Variants in AATK observed in about 807,000 individuals in gnomAD.
The protein encoded by AATK is lemur tail kinase 1, also known as serine/threonine-protein kinase LMTK1.
Under a neutral mutation model 114.3 loss-of-function variants are expected in AATK, and 91 were observed. The observed-to-expected ratio is 0.80, with a 90% CI of 0.67 to 0.95. AATK has a LOEUF of 0.95. AATK is among the 40% of genes least tolerant of loss of function. AATK has a pLI of 0.00. For synonymous variants in AATK, 1,075 were observed against 916.5 expected, an observed-to-expected ratio of 1.17 and a Z score of -3.12; for missense variants, 2,176 against 1,965.2, an observed-to-expected ratio of 1.11 and a Z score of -2.03.
At chr17:81,137,729 C>T (rs372054087) in intron 1 of AATK, among the ~76,000 whole-genome samples, 92 of 151,540 alleles carry the variant, frequency 6.1e-4, no homozygotes, top group Non-Finnish European at 1.1e-3. Flanking sequence ...CATGACAACG[C>T]GAAACATACA....
At chr17:81,143,872 T>C (rs1228148344) in intron 1 of AATK, among the ~76,000 whole-genome samples, 1 of 152,174 alleles carries the variant, frequency 6.6e-6, no homozygotes, top group East Asian at 1.9e-4. Context: ...GCCCCGTGGG[T>C]GCGGGCGTGA....
In AATK at chr17:81,120,662, C is replaced by G; in HGVS notation, c.3274G>C (p.Gly1092Arg). The G allele has an allele frequency of 6.6e-7, 1 of 1,518,198 alleles. No individual in the cohort carries two copies. The highest frequency in any genetic ancestry group is 8.8e-7 in the Non-Finnish European group (1 of 1,135,754). 94.0% of individuals were successfully genotyped at this position (1,518,198 alleles called of 1,614,324 possible). ...EPQGPAKVRP[G>R]PSPSCSQFFL... is the part of the protein sequence containing the mutation. Reference sequence around the variant, plus strand: ...AACTGGGAGCAGCTGGGGCTGGGCCCAGGCCGCACCTTGGCTGGGCCTTGG... The same window carrying G: ...AACTGGGAGCAGCTGGGGCTGGGCCGAGGCCGCACCTTGGCTGGGCCTTGG... Residue 1092 changes from glycine (G) to arginine (R), a missense_variant, in exon 11 of 14, where the codon GGG becomes CGG. Physicochemically the swap from Gly to Arg is moderately radical, Grantham distance 125. This residue lies in a region of AATK where 1,701 missense variants were observed against 1,394.7 expected (regional missense o/e 1.22). Transcript: ENST00000326724.
intron 1 of AATK, among the ~76,000 whole-genome samples, chr17:81,153,505 C>G (rs2061323235): frequency 6.6e-6 from 1 of 152,142 alleles, no homozygotes; most frequent in African/African-American, 2.4e-5. Context: ...GCTGATGACA[C>G]CCCGGAGCGT....
intron 1 of AATK, among the ~76,000 whole-genome samples, chr17:81,159,588 C>T (rs995896690): frequency 3.3e-5 from 5 of 152,296 alleles, no homozygotes; most frequent in African/African-American, 7.2e-5. Flanking sequence ...CTGCAGAATC[C>T]GCAGGACCAA....
chr17:81,138,272 C>G (rs1318411135), intron 1 of AATK, among the ~76,000 whole-genome samples: 2 of 148,962 alleles, frequency 1.3e-5, no homozygotes, highest in East Asian at 4.0e-4. Flanking sequence ...TACCCACATG[C>G]ACGTGCACAC....
At chr17:81,151,409 G>A (rs1371360591) in intron 1 of AATK, among the ~76,000 whole-genome samples, 1 of 60,240 alleles carries the variant, frequency 1.7e-5, no homozygotes, top group African/African-American at 4.1e-5. Flanking sequence ...AAGGCTCCTG[G>A]GGCTGGGGGG....
chr17:81,137,639 CTT>C (rs2061032433), intron 1 of AATK, among the ~76,000 whole-genome samples: 1 of 152,150 alleles, frequency 6.6e-6, no homozygotes, highest in African/African-American at 2.4e-5. Context: ...AACCATGACA[CTT>C]GTTGTAACAA....
chr17:81,132,732 C>T (rs778265287), intron 2 of AATK: 1 of 276,196 alleles, frequency 3.6e-6, no homozygotes, highest in Non-Finnish European at 7.6e-6. Context: ...TGGGGGCCTG[C>T]CCAGCCCCTT....
intron 1 of AATK, among the ~76,000 whole-genome samples, chr17:81,147,749 T>G (rs1567823701): frequency 1.3e-5 from 2 of 152,264 alleles, no homozygotes; most frequent in East Asian, 3.9e-4. Context: ...AGCAAGACCC[T>G]GTCTCAAAGA....
rs927099185 is a variant in AATK at position 81,131,051 on chromosome 17, C to T, written c.334+10G>A. On this transcript the variant is annotated intron_variant, in intron 3 of 13. Coordinates refer to ENST00000326724, the MANE Select transcript of AATK (RefSeq NM_001080395.3). ...AGGGAGGCCACCCCATCTCCCCACC[C>T]AGCCCTCACCTGAGCGCCCAGGCTG... 4.5e-6 allele frequency: 7 copies of T among 1,548,650 alleles called. No homozygotes were observed. In the Admixed American group the frequency reaches 5.8e-5, roughly 13 times the overall value.
At chr17:81,143,239 C>T (rs564776304) in intron 1 of AATK, among the ~76,000 whole-genome samples, 3 of 151,992 alleles carry the variant, frequency 2.0e-5, no homozygotes, top group Non-Finnish European at 2.9e-5. Context: ...AGGCGGAAGC[C>T]GCCTGCAGCA....
intron 1 of AATK, among the ~76,000 whole-genome samples, chr17:81,141,281 C>T (rs751168662): frequency 6.6e-6 from 1 of 152,150 alleles, no homozygotes; most frequent in Non-Finnish European, 1.5e-5. Flanking sequence ...GAAATCCCGT[C>T]TCTACTAAAA....
chr17:81,162,009 G>A (rs1431629252), intron 1 of AATK, among the ~76,000 whole-genome samples: 1 of 152,160 alleles, frequency 6.6e-6, no homozygotes, highest in African/African-American at 2.4e-5. Context: ...TGGCCTCCTG[G>A]AGAATGTGCC....
At chr17:81,165,780 A>G (rs1354437393) in intron 1 of AATK, 158 bp downstream of exon 1, 6 of 1,506,434 alleles carry the variant, frequency 4.0e-6, no homozygotes, top group African/African-American at 1.4e-5. Context: ...TGCCCCTCCG[A>G]GATCTGGGGC....
rs984200620 is a variant in AATK, at chr17:81,122,666, C to T, written c.1270G>A (p.Val424Met). The T allele has an allele frequency of 3.3e-6, 5 of 1,506,110 alleles. No individual in the cohort carries two copies. Among genetic ancestry groups the T allele is most frequent in the East Asian group, 2.7e-5 (1 of 36,864 alleles). The allele number at this position is 1,506,110 out of a possible 1,614,324, so 93.3% of individuals were successfully genotyped here. ...CCCGCCGCACCGGGCCCGGGCCCCACGCCGCCCCCGCCGGGCCGCAGAGAG... is the reference window on the plus strand; with the variant it reads ...CCCGCCGCACCGGGCCCGGGCCCCATGCCGCCCCCGCCGGGCCGCAGAGAG... ...WRSLRPGGGG[V>M]GPGPGAAGPM... The change falls in exon 11 of 14, where the codon GTG becomes ATG. Residue 424 changes from valine to methionine, a missense_variant. By Grantham distance (21) the Val-to-Met change is conservative. This residue lies in a region of AATK where 1,701 missense variants were observed against 1,394.7 expected (regional missense o/e 1.22). Coordinates refer to ENST00000326724, the MANE Select transcript of AATK (RefSeq NM_001080395.3).
At chr17:81,161,458 G>A (rs2146422593) in intron 1 of AATK, among the ~76,000 whole-genome samples, 1 of 152,260 alleles carries the variant, frequency 6.6e-6, no homozygotes, top group Admixed American at 6.5e-5. Context: ...TCTAAATAAG[G>A]CCCCATTCTG....
chr17:81,146,199 A>AAAAG (rs550635007), intron 1 of AATK, among the ~76,000 whole-genome samples: 3 of 151,084 alleles, frequency 2.0e-5, no homozygotes, highest in Non-Finnish European at 4.4e-5. Flanking sequence ...AAAAAAAAAA[A>AAAAG]AAAAAGAAAA....
intron 12 of AATK, 44 bp from the exon 13 acceptor site, chr17:81,119,624 C>G (rs1055127289): frequency 6.6e-7 from 1 of 1,519,672 alleles, no homozygotes; most frequent in African/African-American, 1.4e-5. Context: ...CAGCCTGGGA[C>G]CCCGGCCCGG....
Position 81,134,455 on chromosome 17 carries a change from C to T in AATK, c.102G>A (p.Val34=), listed in dbSNP as rs201565842. The T allele has an allele frequency of 2.7e-5, 43 of 1,613,180 alleles. No homozygotes were observed. Among genetic ancestry groups the T allele is most frequent in the Admixed American group, 2.5e-4 (15 of 59,994 alleles). Residue 34 remains valine, a synonymous_variant, in exon 2 of 14, where the codon GTG becomes GTA. Coordinates refer to ENST00000326724, the MANE Select transcript of AATK (RefSeq NM_001080395.3). ...SELSWPSSLA[V]VAVSFSGLFA... ...AGAGCCCGGAGAAAGACACAGCCAC[C>T]ACGGCGAGGGAGGATGGCCAGGACA... is the stretch of plus-strand genomic sequence containing the variant.
Sources: gnomAD v4.1 joint callset for allele counts (sites outside exome capture counted in the v4.1 genomes callset) on GRCh38, gnomAD v4.1.1 for gene constraint, gnomAD v4.1.1 regional missense constraint, MANE v1.5 for transcripts, NCBI Gene and HGNC (gene_info 2026-07-23, HGNC 2026-07-21) for gene names.